Variants in TRPV1 observed in about 807,000 individuals in gnomAD.
The protein encoded by TRPV1 is transient receptor potential cation channel subfamily V member 1, also known as OTRPC1.
TRPV1 carries 82 observed loss-of-function variants against 82.3 expected under a neutral mutation model. The ratio of observed to expected loss-of-function variants is 1.00; its 90% CI spans 0.83 to 1.20. The LOEUF is 1.20. Among genes scored for constraint, TRPV1 ranks in the 50% most tolerant of loss-of-function variants. The pLI, the probability that TRPV1 is intolerant of heterozygous loss-of-function variation, is 0.00. For synonymous variants in TRPV1, 515 were observed against 467.7 expected (o/e 1.10, Z -1.30); for missense variants, 1,067 against 1,096.8 (o/e 0.97, Z 0.38).
intron 10 of TRPV1, among the ~76,000 whole-genome samples, chr17:3,582,412 C>G (rs115032395): frequency 0.012 from 1,827 of 150,736 alleles, 48 homozygotes; most frequent in African/African-American, 0.043. Context: ...TTTCCAGAGT[C>G]AAAAAAAACA....
At chr17:3,576,668 A>AAAAAAAAAAAAATATATATATAT in intron 13 of TRPV1, among the ~76,000 whole-genome samples, 14 of 38,404 alleles carry the variant, frequency 3.6e-4, no homozygotes, top group Non-Finnish European at 6.3e-4. Context: ...AAAAAAAAAA[A>AAAAAAAAAAAAATATATATATAT]ATATATATAT....
In TRPV1 at chr17:3,589,993, G is replaced by A. The variant is rs1333049045; in HGVS notation, c.858C>T (p.Asn286=). 6 of 1,560,484 alleles carry A rather than the reference G, an allele frequency of 3.8e-6. No individual in the cohort carries two copies. The highest frequency in any genetic ancestry group is 1.4e-5 in the African/African-American group (1 of 73,360). Residue 286 remains asparagine (N), a synonymous_variant, in exon 7 of 17, where the codon AAC becomes AAT. Coordinates refer to ENST00000572705, the MANE Select transcript of TRPV1 (RefSeq NM_080704.4). The part of the protein sequence containing the change: ...ADISARDSVG[N]TVLHALVEVA... Reference sequence around the variant, plus strand: ...CCTCCACCAGGGCGTGCAGCACCGTGTTGCCCACCGAGTCCCTGGCGCTGA... The same window carrying A: ...CCTCCACCAGGGCGTGCAGCACCGTATTGCCCACCGAGTCCCTGGCGCTGA...
At chr17:3,578,233 GGGAGGC>G (rs1567662222) in intron 11 of TRPV1, 1 of 154,900 alleles carries the variant, frequency 6.5e-6, no homozygotes, top group Non-Finnish European at 1.4e-5. Context: ...ACCTGAACCC[GGGAGGC>G]GGAGGTTACA....
In TRPV1 at chr17:3,583,448, G is replaced by T; in HGVS notation, c.1384-18C>A. The T allele has an allele frequency of 3.2e-6, 5 of 1,566,550 alleles. No individual in the cohort carries two copies. Among genetic ancestry groups the T allele is most frequent in the Non-Finnish European group, 4.4e-6 (5 of 1,148,128 alleles). ...AAGGGAGGCTGTGAGATGCAGAGAA[G>T]TTGGTAACTCCATTTACTCATTCGT... is the stretch of plus-strand genomic sequence containing the variant. On this transcript the variant is annotated intron_variant, in intron 9 of 16. Transcript: ENST00000572705.
chr17:3,572,777 G>A lies in TRPV1; in HGVS notation c.2104-528C>T, dbSNP rs375854744. On this transcript the variant is annotated intron_variant, in intron 14 of 16. Transcript: ENST00000572705. ...GCAGGCAGATCACCTGAGGTCAGGAGTTCAAAACCAGCCTGGCCAACATGG... is the reference window on the plus strand; with the variant it reads ...GCAGGCAGATCACCTGAGGTCAGGAATTCAAAACCAGCCTGGCCAACATGG... 8.0e-4 allele frequency among the ~76,000 whole-genome samples: 122 copies of A among 152,360 alleles called. 2 individuals are homozygous for A. In the South Asian group the frequency reaches 0.024, roughly 30 times the overall value.
At chr17:3,588,992 G>A (rs1348047989) in intron 7 of TRPV1, 1 of 1,530,314 alleles carries the variant, frequency 6.5e-7, no homozygotes, top group Non-Finnish European at 8.8e-7. Flanking sequence ...GAAAGAGAAT[G>A]CAAGAAATGA....
chr17:3,568,204 C>T (rs1018735150), intron 16 of TRPV1, among the ~76,000 whole-genome samples: 7 of 151,722 alleles, frequency 4.6e-5, no homozygotes, highest in Non-Finnish European at 8.8e-5. Flanking sequence ...CGCCTGTAGT[C>T]CCAGCTACTC....
intron 16 of TRPV1, among the ~76,000 whole-genome samples, chr17:3,568,314 T>A: frequency 7.4e-6 from 1 of 134,412 alleles, no homozygotes; most frequent in Non-Finnish European, 1.6e-5. Flanking sequence ...AGAGCCAGAC[T>A]CCGTCTCAAA....
intron 10 of TRPV1, among the ~76,000 whole-genome samples, chr17:3,581,154 AT>A (rs139475187): frequency 0.24 from 36,745 of 151,428 alleles, 4,824 homozygotes; most frequent in South Asian, 0.3. Context: ...CTTTTTCCTA[AT>A]TTTTTTTTAA....
At chr17:3,570,230 C>T (rs1422821520) in intron 16 of TRPV1, among the ~76,000 whole-genome samples, 2 of 151,972 alleles carry the variant, frequency 1.3e-5, no homozygotes, top group East Asian at 1.9e-4. Flanking sequence ...ATGAGCCGGG[C>T]GTGGTGGCAG....
intron 2 of TRPV1, among the ~76,000 whole-genome samples, chr17:3,595,200 C>G (rs984267109): frequency 2.6e-5 from 4 of 152,188 alleles, no homozygotes; most frequent in African/African-American, 9.7e-5. Flanking sequence ...GTTCTCAGGA[C>G]TCGCATTCCT....
At chr17:3,576,293 G>A (rs754824440) in intron 13 of TRPV1, among the ~76,000 whole-genome samples, 4 of 152,018 alleles carry the variant, frequency 2.6e-5, no homozygotes, top group Non-Finnish European at 5.9e-5. Flanking sequence ...CAAGGTGGGT[G>A]GATCACCTCA....
At chr17:3,577,325 G>A (rs1159525490) in intron 12 of TRPV1, 133 bp from the exon 13 acceptor site, 5 of 982,794 alleles carry the variant, frequency 5.1e-6, no homozygotes, top group Non-Finnish European at 6.1e-6. Context: ...TCTCAGCTCA[G>A]GGGTCATGAG....
At chr17:3,570,816 C>G (rs949979705) in intron 16 of TRPV1, among the ~76,000 whole-genome samples, 1 of 152,102 alleles carries the variant, frequency 6.6e-6, no homozygotes, top group Admixed American at 6.6e-5. Context: ...CAGGTTCAAC[C>G]GATTCTCCTG....
chr17:3,571,426 G>A lies in TRPV1; in HGVS notation c.2347+98C>T, dbSNP rs978280213. 84 of 958,958 alleles carry A rather than the reference G, an allele frequency of 8.8e-5. No homozygotes were observed. In the African/African-American group the frequency reaches 1.3e-3, roughly 15 times the overall value. 59.4% of individuals were successfully genotyped at this position (958,958 alleles called of 1,614,324 possible). A position where few individuals can be genotyped will look rare whatever the true frequency, so the allele number is the denominator to read the frequency against. On this transcript the variant is annotated intron_variant, in intron 16 of 16. Coordinates refer to ENST00000572705, the MANE Select transcript of TRPV1 (RefSeq NM_080704.4). Reference sequence around the variant, plus strand: ...CACAGCGCCCGGGTCCTGGGGGGATGAGGAACCCGGCAAGGCGTGGGGAAC... The same window carrying A: ...CACAGCGCCCGGGTCCTGGGGGGATAAGGAACCCGGCAAGGCGTGGGGAAC...
At chr17:3,597,382 C>T (rs545098130) in intron 2 of TRPV1, among the ~76,000 whole-genome samples, 1 of 152,138 alleles carries the variant, frequency 6.6e-6, no homozygotes, top group African/African-American at 2.4e-5. Flanking sequence ...TCACAACCAG[C>T]GACGTCAAAA....
At position 3,566,783 on chromosome 17, in the gene TRPV1, C is replaced by T; in HGVS notation, c.*32G>A. ...CCGTGGCAACGGGGTCTCCTAAGGC[C>T]CAGTGTTGACAGTGCTGTCTGCGTG... On this transcript the variant is annotated 3_prime_UTR_variant, in exon 17 of 17. Coordinates refer to ENST00000572705, the MANE Select transcript of TRPV1 (RefSeq NM_080704.4). The T allele has an allele frequency of 2.5e-6, 4 of 1,607,928 alleles. No homozygotes were observed. Among genetic ancestry groups the T allele is most frequent in the South Asian group, 1.1e-5 (1 of 90,440 alleles).
rs138877583 is a variant in TRPV1, at chr17:3,598,051, G to A, written c.-33-5668C>T. 3.9e-5 allele frequency among the ~76,000 whole-genome samples: 6 copies of A among 152,316 alleles called. No homozygotes were observed. In the East Asian group the frequency reaches 1.2e-3, roughly 29 times the overall value. ...AGACCCACAAGAGAGAAACGCACAG[G>A]AGAGAGTCACATACAGCAGATAACT... On this transcript the variant is annotated intron_variant, in intron 2 of 16. Transcript: ENST00000572705.
At chr17:3,589,289 C>G (rs1001763335) in intron 7 of TRPV1, among the ~76,000 whole-genome samples, 2 of 151,760 alleles carry the variant, frequency 1.3e-5, no homozygotes, top group African/African-American at 4.8e-5. Flanking sequence ...TCACTGCCAC[C>G]TCCGCCTCCC....
Sources: allele counts gnomAD v4.1 joint callset (sites outside exome capture counted in the v4.1 genomes callset), GRCh38; gene constraint gnomAD v4.1.1; transcripts MANE v1.5; gene names NCBI Gene and HGNC (gene_info 2026-07-23, HGNC 2026-07-21).